The following NVL variants were observed in gnomAD, a reference collection of about 807,000 sequenced individuals.
NVL encodes the protein nuclear valosin-containing protein-like.
A neutral mutation model predicts 110.2 loss-of-function variants in NVL; 84 were observed. The ratio of observed to expected loss-of-function variants is 0.76; its 90% CI spans 0.64 to 0.91. NVL has a LOEUF of 0.91. NVL is among the 40% of genes least tolerant of loss of function. NVL has a pLI of 0.00. For missense variants in NVL, 882 were observed against 1,035.9 expected (o/e 0.85, Z 2.04); for synonymous variants, 354 against 361.1 (o/e 0.98, Z 0.22).
At chr1:224,324,075 T>C (rs1572078323) in intron 2 of NVL, among the ~76,000 whole-genome samples, 2 of 152,198 alleles carry the variant, frequency 1.3e-5, no homozygotes, top group South Asian at 2.1e-4. Context: ...CAAACCTAGA[T>C]GGGCTAGCCT....
At chr1:224,284,464 C>T (rs1279935598) in intron 15 of NVL, among the ~76,000 whole-genome samples, 2 of 152,046 alleles carry the variant, frequency 1.3e-5, no homozygotes, top group African/African-American at 4.8e-5. Flanking sequence ...CAGCCTCTGC[C>T]TCTTTGGGTC....
At chr1:224,244,418 T>C (rs1417899943) in intron 19 of NVL, among the ~76,000 whole-genome samples, 1 of 152,096 alleles carries the variant, frequency 6.6e-6, no homozygotes, top group Non-Finnish European at 1.5e-5. Flanking sequence ...AGACCTCTTA[T>C]CACCACATCA....
At chr1:224,301,471 A>G (rs1459361643) in intron 9 of NVL, among the ~76,000 whole-genome samples, 1 of 152,146 alleles carries the variant, frequency 6.6e-6, no homozygotes, top group East Asian at 1.9e-4. Context: ...TTTCCCACAC[A>G]TTCTGCTAGT....
At chr1:224,273,045 AAAAAAACAAACAAAC>A (rs1558287077) in intron 17 of NVL, among the ~76,000 whole-genome samples, 7 of 142,692 alleles carry the variant, frequency 4.9e-5, no homozygotes, top group Non-Finnish European at 1.1e-4. Flanking sequence ...AAAAAAAACA[AAAAAAACAAACAAAC>A]AAAAAAAAAC....
intron 17 of NVL, among the ~76,000 whole-genome samples, chr1:224,269,262 ATTTTT>A (rs895198757): frequency 3.3e-5 from 5 of 150,384 alleles, no homozygotes; most frequent in African/African-American, 1.2e-4. Context: ...TAATTTTCAT[ATTTTT>A]TCTAGAGATC....
intron 17 of NVL, among the ~76,000 whole-genome samples, chr1:224,268,804 G>A (rs957259394): frequency 1.3e-4 from 20 of 151,868 alleles, no homozygotes; most frequent in African/African-American, 3.9e-4. Context: ...GATTACAGGC[G>A]TATGCCACGA....
chr1:224,322,830 C>T (rs867233113), intron 2 of NVL, among the ~76,000 whole-genome samples: 81 of 152,042 alleles, frequency 5.3e-4, no homozygotes, highest in Middle Eastern at 6.8e-3. Flanking sequence ...GGCGTGCACC[C>T]GTAGTCCCAG....
chr1:224,318,890 G>C (rs1314293242), intron 2 of NVL, among the ~76,000 whole-genome samples: 2 of 151,590 alleles, frequency 1.3e-5, no homozygotes, highest in African/African-American at 4.8e-5. Flanking sequence ...TGGGGAGCCT[G>C]AGGCAACAGA....
chr1:224,242,487 CTTTTTT>C (rs11385074), intron 19 of NVL, among the ~76,000 whole-genome samples: 1 of 128,350 alleles, frequency 7.8e-6, no homozygotes, highest in Admixed American at 8.8e-5. Context: ...CAAATCTATT[CTTTTTT>C]TTTTTTTTTT....
At chr1:224,253,749 G>GA (rs1168888191) in intron 18 of NVL, among the ~76,000 whole-genome samples, 4 of 143,274 alleles carry the variant, frequency 2.8e-5, no homozygotes, top group South Asian at 2.1e-4. Flanking sequence ...AAAAAAAAAA[G>GA]AAAAGAAAAA....
chr1:224,269,065 C>T (rs1334842389), intron 17 of NVL, among the ~76,000 whole-genome samples: 1 of 149,214 alleles, frequency 6.7e-6, no homozygotes, highest in Non-Finnish European at 1.5e-5. Flanking sequence ...AGGTTGTATA[C>T]CAACTTTGGT....
intron 12 of NVL, among the ~76,000 whole-genome samples, chr1:224,293,203 G>A (rs1667546151): frequency 6.6e-6 from 1 of 151,496 alleles, no homozygotes; most frequent in Admixed American, 6.6e-5. Context: ...TCAAGTAGCT[G>A]GGACTACAGG....
In NVL at chr1:224,304,159, G is replaced by C. The variant is rs1003020492; in HGVS notation, c.826-302C>G. ...GTTACCATTACGGCCAGGCATGGTG[G>C]CTCACGCCTGTAATCCCAGCACTTT... On this transcript the variant is annotated intron_variant, in intron 8 of 22. Transcript: ENST00000281701. Among the ~76,000 whole-genome samples the C allele has an allele frequency of 9.2e-5, 14 of 152,308 alleles. 1 individual carries two copies. Among genetic ancestry groups the C allele is most frequent in the Middle Eastern group, 3.4e-3 (1 of 294 alleles).
intron 2 of NVL, among the ~76,000 whole-genome samples, chr1:224,323,218 A>G (rs1418689174): frequency 6.6e-6 from 1 of 152,266 alleles, no homozygotes; most frequent in East Asian, 1.9e-4. Flanking sequence ...ATGAATCTAG[A>G]TATTTCACTC....
At chr1:224,322,085 T>C (rs1366703384) in intron 2 of NVL, among the ~76,000 whole-genome samples, 1 of 152,052 alleles carries the variant, frequency 6.6e-6, no homozygotes, top group African/African-American at 2.4e-5. Flanking sequence ...TTAGTCTTTA[T>C]TTTTATTTTT....
intron 13 of NVL, among the ~76,000 whole-genome samples, chr1:224,288,624 A>G (rs1315237313): frequency 2.0e-5 from 3 of 152,198 alleles, no homozygotes; most frequent in Non-Finnish European, 4.4e-5. Context: ...TGTCTAAGAA[A>G]AAAACAAATT....
chr1:224,250,191 T>A (rs1403275120), intron 19 of NVL, 21 bp downstream of exon 19: 1 of 1,605,150 alleles, frequency 6.2e-7, no homozygotes, highest in African/African-American at 1.3e-5. Context: ...TATACAAAAA[T>A]ATACCATTTC....
rs569113166 is a variant in NVL, at chr1:224,239,794, A to G, written c.2290-3212T>C. On this transcript the variant is annotated intron_variant, in intron 19 of 22. Coordinates refer to ENST00000281701, the MANE Select transcript of NVL (RefSeq NM_002533.4). ...GCTTTGTGTAATACCCTCAGTTTATATTAAGAAAATGACAAGCCTCAGTCC... is the reference window on the plus strand; with the variant it reads ...GCTTTGTGTAATACCCTCAGTTTATGTTAAGAAAATGACAAGCCTCAGTCC... Among the ~76,000 whole-genome samples the G allele has an allele frequency of 9.8e-5, 15 of 152,330 alleles. 1 individual carries two copies. In the South Asian group the frequency reaches 2.9e-3, roughly 29 times the overall value.
At chr1:224,283,622 C>T (rs938053011) in intron 15 of NVL, among the ~76,000 whole-genome samples, 3 of 152,170 alleles carry the variant, frequency 2.0e-5, no homozygotes, top group Non-Finnish European at 4.4e-5. Context: ...TCAAGTTATC[C>T]AAGCTACCTC....
Sources: gnomAD v4.1 joint callset for allele counts (sites outside exome capture counted in the v4.1 genomes callset) on GRCh38, gnomAD v4.1.1 for gene constraint, MANE v1.5 for transcripts, NCBI Gene and HGNC (gene_info 2026-07-23, HGNC 2026-07-21) for gene names.